The following LRRC4C variants were observed in gnomAD, a reference collection of about 807,000 sequenced individuals.
LRRC4C encodes the protein leucine rich repeat containing 4C.
Under a neutral mutation model 33.6 loss-of-function variants are expected in LRRC4C, and 5 were observed. The observed-to-expected ratio is 0.15, with a 90% CI of 0.08 to 0.31. LRRC4C has a LOEUF of 0.31. Ranked by LOEUF, LRRC4C falls within the 10% of genes least tolerant of loss-of-function variation. The probability of loss-of-function intolerance (pLI) is 1.00; values close to 1 mark genes in which losing one functional copy is unlikely to be tolerated. For synonymous variants in LRRC4C, 329 were observed against 302.0 expected (o/e 1.09, Z -0.93); for missense variants, 560 against 796.7 (o/e 0.70, Z 3.58).
intron 1 of LRRC4C, among the ~76,000 whole-genome samples, chr11:41,237,585 C>G (rs1364444944): frequency 6.6e-6 from 1 of 152,062 alleles, no homozygotes; most frequent in Admixed American, 6.5e-5. Flanking sequence ...AACTAGTTAC[C>G]GTAGCAACTG....
At chr11:41,300,638 ATTC>A (rs1950259719) in intron 1 of LRRC4C, among the ~76,000 whole-genome samples, 2 of 152,226 alleles carry the variant, frequency 1.3e-5, no homozygotes, top group Non-Finnish European at 1.5e-5. Context: ...GCAGAGGAGA[ATTC>A]TTCTTTCTTT....
At chr11:41,252,421 T>A (rs569683319) in intron 1 of LRRC4C, among the ~76,000 whole-genome samples, 175 of 151,774 alleles carry the variant, frequency 1.2e-3, no homozygotes, top group African/African-American at 4.2e-3. Flanking sequence ...CCCAAAGGAG[T>A]AGAGAAAGAG....
chr11:41,081,212 A>C (rs1939543556), intron 1 of LRRC4C, among the ~76,000 whole-genome samples: 1 of 152,190 alleles, frequency 6.6e-6, no homozygotes, highest in Admixed American at 6.5e-5. Context: ...GTAAGCAAGC[A>C]AGTAATTGAC....
At chr11:40,123,719 A>G (rs1855997544) in intron 6 of LRRC4C, among the ~76,000 whole-genome samples, 1 of 152,142 alleles carries the variant, frequency 6.6e-6, no homozygotes, top group Non-Finnish European at 1.5e-5. Context: ...GACATTCTTC[A>G]CAGAAATAGA....
intron 1 of LRRC4C, among the ~76,000 whole-genome samples, chr11:41,387,057 C>G (rs72896550): frequency 0.025 from 3,823 of 151,694 alleles, 60 homozygotes; most frequent in Non-Finnish European, 0.04. Context: ...TTAGCCTGAT[C>G]GTATTGTTTT....
intron 2 of LRRC4C, among the ~76,000 whole-genome samples, chr11:40,751,660 A>G (rs1272844848): frequency 6.6e-6 from 1 of 152,162 alleles, no homozygotes; most frequent in Non-Finnish European, 1.5e-5. Flanking sequence ...GAATCTCATT[A>G]AAACGATCAT....
chr11:40,218,317 T>C (rs946648918), intron 5 of LRRC4C, among the ~76,000 whole-genome samples: 2 of 152,016 alleles, frequency 1.3e-5, no homozygotes, highest in African/African-American at 4.8e-5. Flanking sequence ...TCAATCCCAA[T>C]AAAATAAAAG....
At chr11:41,262,251 A>G (rs534932801) in intron 1 of LRRC4C, among the ~76,000 whole-genome samples, 267 of 152,216 alleles carry the variant, frequency 1.8e-3, no homozygotes, top group African/African-American at 6.0e-3. Flanking sequence ...ATTCATTTTC[A>G]TATTTTCTGG....
intron 1 of LRRC4C, among the ~76,000 whole-genome samples, chr11:41,442,625 A>T (rs1955670639): frequency 6.7e-6 from 1 of 150,222 alleles, no homozygotes; most frequent in South Asian, 2.1e-4. Context: ...GCCCATCACC[A>T]CGCCCAGCTA....
intron 4 of LRRC4C, among the ~76,000 whole-genome samples, chr11:40,308,573 G>A (rs1945152228): frequency 6.6e-6 from 1 of 152,148 alleles, no homozygotes; most frequent in African/African-American, 2.4e-5. Flanking sequence ...ATAAGAGAAA[G>A]GCAGGAGGTC....
At chr11:40,953,352 T>A (rs1393644750) in intron 1 of LRRC4C, among the ~76,000 whole-genome samples, 1 of 151,866 alleles carries the variant, frequency 6.6e-6, no homozygotes, top group Non-Finnish European at 1.5e-5. Context: ...GGCAGTGACA[T>A]AGGTATGGAT....
chr11:41,338,559 G>A (rs951148922), intron 1 of LRRC4C, among the ~76,000 whole-genome samples: 1 of 152,050 alleles, frequency 6.6e-6, no homozygotes, highest in African/African-American at 2.4e-5. Context: ...GGTGAGGAGG[G>A]AGAGCATCAG....
At chr11:41,059,481 A>G (rs976305868) in intron 1 of LRRC4C, among the ~76,000 whole-genome samples, 1 of 152,128 alleles carries the variant, frequency 6.6e-6, no homozygotes, top group South Asian at 2.1e-4. Context: ...TAGGAACCTG[A>G]GGCAAAGACC....
At chr11:41,031,873 C>T (rs534044673) in intron 1 of LRRC4C, among the ~76,000 whole-genome samples, 53 of 152,102 alleles carry the variant, frequency 3.5e-4, no homozygotes, top group African/African-American at 1.2e-3. Flanking sequence ...ATTCTGGATA[C>T]ATGCCAGAAG....
chr11:40,816,906 A>G (rs770460835), intron 2 of LRRC4C, among the ~76,000 whole-genome samples: 5 of 152,176 alleles, frequency 3.3e-5, no homozygotes, highest in Non-Finnish European at 5.9e-5. Context: ...ACGTATAGGT[A>G]GAAGACTTGT....
chr11:40,509,475 C>A (rs1051756927), intron 3 of LRRC4C, among the ~76,000 whole-genome samples: 1 of 151,610 alleles, frequency 6.6e-6, no homozygotes, highest in African/African-American at 2.4e-5. Context: ...TTACTGTATG[C>A]TGGTTTTTAA....
intron 2 of LRRC4C, among the ~76,000 whole-genome samples, chr11:40,922,629 T>G (rs945213675): frequency 1.3e-5 from 2 of 152,192 alleles, no homozygotes; most frequent in African/African-American, 4.8e-5. Context: ...TTTTCTATGC[T>G]TATTTAAAAT....
intron 3 of LRRC4C, among the ~76,000 whole-genome samples, chr11:40,584,112 A>T (rs1481271613): frequency 1.4e-5 from 2 of 146,292 alleles, no homozygotes; most frequent in Non-Finnish European, 3.0e-5. Context: ...AGGTTTTCTC[A>T]ACCTTGGTAC....
chr11:40,992,970 C>A (rs1272793390), intron 1 of LRRC4C, among the ~76,000 whole-genome samples: 1 of 152,088 alleles, frequency 6.6e-6, no homozygotes, highest in East Asian at 1.9e-4. Context: ...TTCTTGGCTG[C>A]TGGAAATTAC....
Sources: allele counts gnomAD v4.1 joint callset (sites outside exome capture counted in the v4.1 genomes callset), GRCh38; gene constraint gnomAD v4.1.1; transcripts MANE v1.5; gene names NCBI Gene and HGNC (gene_info 2026-07-23, HGNC 2026-07-21).